Variants in GAB1 observed in about 807,000 individuals in gnomAD.
GAB1 encodes the protein GRB2 associated binding protein 1, also known as GRB2-associated-binding protein 1.
GAB1 carries 19 observed loss-of-function variants against 66.5 expected under a neutral mutation model. That is an observed-to-expected ratio of 0.29 (90% CI 0.20 to 0.42). The LOEUF (loss-of-function observed/expected upper bound fraction) is 0.42, where lower values mean the gene tolerates loss of function less well. Among genes scored for constraint, GAB1 ranks in the 10% least tolerant of loss-of-function variants. GAB1 has a pLI of 1.00. For missense variants in GAB1, 732 were observed against 858.5 expected, an observed-to-expected ratio of 0.85 and a Z score of 1.84; for synonymous variants, 294 against 301.4, an observed-to-expected ratio of 0.98 and a Z score of 0.25.
At chr4:143,367,284 A>G (rs1729921909) in intron 1 of GAB1, among the ~76,000 whole-genome samples, 1 of 152,148 alleles carries the variant, frequency 6.6e-6, no homozygotes, top group South Asian at 2.1e-4. Flanking sequence ...TTGTGCATGT[A>G]GTTGGAACTC....
intron 1 of GAB1, among the ~76,000 whole-genome samples, chr4:143,343,241 A>G (rs145774030): frequency 1.3e-5 from 2 of 151,918 alleles, no homozygotes; most frequent in African/African-American, 4.9e-5. Flanking sequence ...GGAAGGGACA[A>G]ATGGGGAGCT....
intron 1 of GAB1, among the ~76,000 whole-genome samples, chr4:143,411,454 CG>C (rs1278688587): frequency 6.6e-6 from 1 of 152,154 alleles, no homozygotes; most frequent in African/African-American, 2.4e-5. Flanking sequence ...GAAGTCTAGT[CG>C]TTAAAATGAT....
chr4:143,360,031 CTT>C (rs2149655954), intron 1 of GAB1, among the ~76,000 whole-genome samples: 1 of 152,212 alleles, frequency 6.6e-6, no homozygotes, highest in East Asian at 1.9e-4. Context: ...TTTTTAGTGT[CTT>C]TGGTTTATAA....
chr4:143,448,961 ATGTGTCCCAGAGATTCTGGTATGC>A (rs1734732510), intron 6 of GAB1, among the ~76,000 whole-genome samples: 1 of 152,060 alleles, frequency 6.6e-6, no homozygotes, highest in Non-Finnish European at 1.5e-5. Context: ...ACTGCTTTGA[ATGTGTCCCAGAGATTCTGGTATGC>A]TGTGTCTTTG....
chr4:143,456,125 T>C (rs1735172393), intron 6 of GAB1, among the ~76,000 whole-genome samples: 1 of 152,220 alleles, frequency 6.6e-6, no homozygotes, highest in Non-Finnish European at 1.5e-5. Flanking sequence ...GCCTCTTATT[T>C]TTTTTGAAGG....
intron 1 of GAB1, among the ~76,000 whole-genome samples, chr4:143,354,115 A>G (rs1729345949): frequency 6.6e-6 from 1 of 152,196 alleles, no homozygotes; most frequent in South Asian, 2.1e-4. Flanking sequence ...TACTCAATCA[A>G]GGAAGGCTAG....
Position 143,439,679 on chromosome 4 carries a change from A to C in GAB1, c.1196-123A>C. On this transcript the variant is annotated intron_variant, in intron 4 of 9. Transcript: ENST00000262994. The stretch of plus-strand genomic sequence containing the variant: ...ACAGTTCTATGAGCATCCTTTTTAA[A>C]ATTCTGTGTGTGTGCATGTGTGTAT... The C allele has an allele frequency of 4.6e-6, 3 of 658,150 alleles. No homozygotes were observed. The Admixed American group carries it at 7.8e-5, about 17-fold the overall frequency. The allele number at this position is 658,150 out of a possible 1,614,324, so 40.8% of individuals were successfully genotyped here. A position where few individuals can be genotyped will look rare whatever the true frequency, so the allele number is the denominator to read the frequency against.
intron 2 of GAB1, 146 bp from the exon 3 acceptor site, chr4:143,433,345 G>A (rs1460465524): frequency 3.6e-5 from 23 of 633,552 alleles, no homozygotes; most frequent in South Asian, 3.2e-4. Context: ...TATAAAGGTC[G>A]CCATTTAGAT....
intron 6 of GAB1, chr4:143,457,874 G>C: frequency 1.6e-6 from 1 of 630,272 alleles, no homozygotes; most frequent in South Asian, 2.0e-5. Context: ...TACTACTGCT[G>C]TTGTAAATAA....
At position 143,438,606 on chromosome 4, in the gene GAB1, C is replaced by T. The variant is rs1438505288; in HGVS notation, c.1195+6C>T. ...TTTAAACAAATTGCGAAAAGGTCAG[C>T]TCTAGTTGACTTCTTCTCTATTAGA... is the stretch of plus-strand genomic sequence containing the variant. On this transcript the variant is annotated splice_donor_region_variant and intron_variant, in intron 4 of 9. Coordinates refer to ENST00000262994, the MANE Select transcript of GAB1 (RefSeq NM_002039.4). 3 of 1,608,386 alleles carry T rather than the reference C, an allele frequency of 1.9e-6. No individual in the cohort carries two copies. The highest frequency in any genetic ancestry group is 1.7e-6 in the Non-Finnish European group (2 of 1,177,308).
At chr4:143,463,571 C>T (rs376978898) in intron 8 of GAB1, among the ~76,000 whole-genome samples, 10 of 145,482 alleles carry the variant, frequency 6.9e-5, no homozygotes, top group South Asian at 2.1e-4. Flanking sequence ...TGCAGTGAGC[C>T]GAGATCAAGC....
intron 2 of GAB1, among the ~76,000 whole-genome samples, chr4:143,423,309 G>A (rs1263595900): frequency 6.6e-6 from 1 of 152,148 alleles, no homozygotes; most frequent in Non-Finnish European, 1.5e-5. Flanking sequence ...GGTTTGGAGT[G>A]GTTGGGGTTT....
chr4:143,421,700 T>TTTC (rs1359808571), intron 2 of GAB1, among the ~76,000 whole-genome samples: 7 of 114,848 alleles, frequency 6.1e-5, no homozygotes, highest in South Asian at 2.3e-4. Context: ...TTTCTTTTCT[T>TTTC]TTTTTTTTTT....
chr4:143,340,841 A>G (rs1415171905), intron 1 of GAB1, among the ~76,000 whole-genome samples: 2 of 152,158 alleles, frequency 1.3e-5, no homozygotes, highest in Non-Finnish European at 2.9e-5. Flanking sequence ...CATCTCATAT[A>G]TGGCCCCCAA....
intron 2 of GAB1, among the ~76,000 whole-genome samples, chr4:143,429,459 CAGAT>C (rs1444214452): frequency 1.3e-5 from 2 of 152,120 alleles, no homozygotes; most frequent in African/African-American, 4.8e-5. Context: ...CAAGGAGTCT[CAGAT>C]AGGACTTTCT....
chr4:143,344,262 C>T (rs555762107), intron 1 of GAB1, among the ~76,000 whole-genome samples: 2 of 152,222 alleles, frequency 1.3e-5, no homozygotes, highest in African/African-American at 2.4e-5. Flanking sequence ...AGTGCCAGCT[C>T]GTGTTGGGGG....
chr4:143,356,796 A>G (rs1177300000), intron 1 of GAB1, among the ~76,000 whole-genome samples: 1 of 152,212 alleles, frequency 6.6e-6, no homozygotes, highest in Non-Finnish European at 1.5e-5. Context: ...CCTGCCAAAC[A>G]AAATGGGGGT....
intron 1 of GAB1, among the ~76,000 whole-genome samples, chr4:143,387,153 C>CA (rs1373722424): frequency 6.6e-6 from 1 of 151,628 alleles, no homozygotes; most frequent in East Asian, 1.9e-4. Flanking sequence ...TTGTTTGAGA[C>CA]AGAGTTTCGC....
At chr4:143,374,864 T>G (rs1327740461) in intron 1 of GAB1, among the ~76,000 whole-genome samples, 1 of 152,218 alleles carries the variant, frequency 6.6e-6, no homozygotes. Context: ...CATCTGGCCT[T>G]CCTTACTTAC....
Sources: gnomAD v4.1 joint callset for allele counts (sites outside exome capture counted in the v4.1 genomes callset) on GRCh38, gnomAD v4.1.1 for gene constraint, MANE v1.5 for transcripts, NCBI Gene and HGNC (gene_info 2026-07-23, HGNC 2026-07-21) for gene names.